PRIM2: variants seen among roughly 807,000 people sequenced by gnomAD.
The protein encoded by PRIM2 is DNA primase large subunit.
Under a neutral mutation model 67.3 loss-of-function variants are expected in PRIM2, and 39 were observed. The observed-to-expected ratio is 0.58, with a 90% CI of 0.45 to 0.76. The LOEUF is 0.76. PRIM2 is among the 30% of genes least tolerant of loss of function. The probability of loss-of-function intolerance (pLI) is 0.00; values close to 1 mark genes in which losing one functional copy is unlikely to be tolerated. For synonymous variants in PRIM2, 143 were observed against 198.7 expected (o/e 0.72, Z 2.36); for missense variants, 398 against 598.7 (o/e 0.66, Z 3.50).
chr6:57,224,979 A>G, the PRIM2 span, among the ~76,000 whole-genome samples: 3 of 152,330 alleles, frequency 2.0e-5, no homozygotes, highest in South Asian at 2.1e-4. Flanking sequence ...CTATCACCAG[A>G]GCACCAACTT....
the PRIM2 span, among the ~76,000 whole-genome samples, chr6:57,262,266 G>C: frequency 6.6e-6 from 1 of 152,122 alleles, no homozygotes; most frequent in Non-Finnish European, 1.5e-5. Flanking sequence ...ATTTCAGTTG[G>C]ATATATTAGA....
chr6:57,514,212 GA>G (rs1395750836), intron 8 of PRIM2, among the ~76,000 whole-genome samples: 1 of 152,146 alleles, frequency 6.6e-6, no homozygotes, highest in Non-Finnish European at 1.5e-5. Flanking sequence ...TTTTTCTAAA[GA>G]ATATGCTTTC....
At chr6:57,588,995 G>C (rs1776241200) in intron 10 of PRIM2, among the ~76,000 whole-genome samples, 1 of 152,164 alleles carries the variant, frequency 6.6e-6, no homozygotes, top group Admixed American at 6.5e-5. Flanking sequence ...GGAGAGATTT[G>C]ATGGATGGCT....
chr6:57,473,715 GT>G (rs1395289043), intron 7 of PRIM2, among the ~76,000 whole-genome samples: 1 of 152,098 alleles, frequency 6.6e-6, no homozygotes, highest in Admixed American at 6.5e-5. Context: ...TTCTGTGATA[GT>G]TTCATTCTAT....
chr6:57,375,673 T>C (rs76108756), intron 5 of PRIM2, among the ~76,000 whole-genome samples: 2 of 121,536 alleles, frequency 1.6e-5, no homozygotes, highest in Non-Finnish European at 1.6e-5. Flanking sequence ...CGCCTCAGCC[T>C]TTTTTTTTTT....
intron 12 of PRIM2, among the ~76,000 whole-genome samples, chr6:57,626,265 TAA>T (rs1776948014): frequency 6.6e-6 from 1 of 152,212 alleles, no homozygotes; most frequent in African/African-American, 2.4e-5. Flanking sequence ...CTGGAAATAT[TAA>T]GAGTATTAGC....
intron 10 of PRIM2, among the ~76,000 whole-genome samples, chr6:57,544,250 C>T (rs1234169596): frequency 1.3e-5 from 2 of 149,500 alleles, no homozygotes; most frequent in Admixed American, 1.3e-4. Flanking sequence ...TGTCTCTGGT[C>T]GGAGAGGAGA....
the PRIM2 span, among the ~76,000 whole-genome samples, chr6:57,295,358 T>G: frequency 6.6e-6 from 1 of 152,132 alleles, no homozygotes; most frequent in South Asian, 2.1e-4. Context: ...AAAAAAAAAT[T>G]TGATTGGGAA....
In PRIM2 at chr6:57,379,889, A is replaced by G. The variant is rs1334808836; in HGVS notation, c.460-12A>G. The G allele has an allele frequency of 4.6e-6, 7 of 1,534,646 alleles. No individual in the cohort carries two copies. The Admixed American group carries it at 1.1e-4, about 24-fold the overall frequency. On this transcript the variant is annotated splice_polypyrimidine_tract_variant and intron_variant, in intron 5 of 13. Transcript: ENST00000615550. ...TCAAATTTTTGTAACAGCTTAAAAT[A>G]TGTTTTTTTAGATAAGTGATGAAGA... is the stretch of plus-strand genomic sequence containing the variant.
chr6:57,363,374 G>A (rs1346632347), intron 5 of PRIM2, among the ~76,000 whole-genome samples: 1 of 152,154 alleles, frequency 6.6e-6, no homozygotes, highest in Non-Finnish European at 1.5e-5. Flanking sequence ...AACATTAAAT[G>A]TTCATCTTTC....
chr6:57,549,527 G>A lies in PRIM2; in HGVS notation c.1020+11902G>A, dbSNP rs1456509860. ...TTCAGTTCTTGAGGACAATAGTAAT[G>A]TCTGCTAAAATATTGCAAAGAATTA... On this transcript the variant is annotated intron_variant, in intron 10 of 13. Transcript: ENST00000615550. Among the ~76,000 whole-genome samples the A allele has an allele frequency of 2.6e-5, 4 of 151,902 alleles. No homozygotes were observed. In the East Asian group the frequency reaches 7.7e-4, roughly 29 times the overall value.
chr6:57,327,786 A>G (rs916038806), intron 5 of PRIM2, among the ~76,000 whole-genome samples: 3 of 152,276 alleles, frequency 2.0e-5, no homozygotes, highest in African/African-American at 7.2e-5. Flanking sequence ...GAGAAGGTCT[A>G]TTATTTATTC....
chr6:57,550,208 T>C lies in PRIM2; in HGVS notation c.1020+12583T>C, dbSNP rs1199898748. 2.6e-5 allele frequency among the ~76,000 whole-genome samples: 4 copies of C among 152,228 alleles called. No individual in the cohort carries two copies. In the South Asian group the frequency reaches 6.2e-4, roughly 24 times the overall value. On this transcript the variant is annotated intron_variant, in intron 10 of 13. Coordinates refer to ENST00000615550, the MANE Select transcript of PRIM2 (RefSeq NM_000947.5). The stretch of plus-strand genomic sequence containing the variant: ...CTACAAAGTCATCTAAAACATATTT[T>C]TGAAGCTTTATTGCAGTGAAATTTG...
chr6:57,407,415 A>AT (rs11352940), intron 7 of PRIM2, among the ~76,000 whole-genome samples: 21 of 148,824 alleles, frequency 1.4e-4, no homozygotes, highest in South Asian at 2.1e-4. Flanking sequence ...AAAGTCACAG[A>AT]TTTTTTTTTT....
chr6:57,562,693 A>G (rs1775661128), intron 10 of PRIM2, among the ~76,000 whole-genome samples: 1 of 151,428 alleles, frequency 6.6e-6, no homozygotes, highest in African/African-American at 2.4e-5. Flanking sequence ...CCCCAAACCA[A>G]CTCCTCCTGT....
At chr6:57,436,325 G>A (rs1435133308) in intron 7 of PRIM2, among the ~76,000 whole-genome samples, 2 of 152,190 alleles carry the variant, frequency 1.3e-5, no homozygotes, top group African/African-American at 4.8e-5. Context: ...TCCTCATAAA[G>A]TCGCTAAGTC....
chr6:57,308,536 A>G, the PRIM2 span, among the ~76,000 whole-genome samples: 1 of 152,220 alleles, frequency 6.6e-6, no homozygotes, highest in Non-Finnish European at 1.5e-5. Flanking sequence ...TCTCTAGAGA[A>G]TATACCTAGA....
the PRIM2 span, among the ~76,000 whole-genome samples, chr6:57,278,443 T>G: frequency 1.3e-5 from 2 of 152,332 alleles, no homozygotes; most frequent in African/African-American, 4.8e-5. Flanking sequence ...CTACCACCAG[T>G]CTGTTGCTAT....
intron 13 of PRIM2, among the ~76,000 whole-genome samples, chr6:57,633,516 A>G (rs2127499762): frequency 6.6e-6 from 1 of 152,278 alleles, no homozygotes; most frequent in East Asian, 1.9e-4. Context: ...TTGATAAAAT[A>G]TCTCATAGGA....
Sources: allele counts gnomAD v4.1 joint callset (sites outside exome capture counted in the v4.1 genomes callset), GRCh38; gene constraint gnomAD v4.1.1; transcripts MANE v1.5; gene names NCBI Gene and HGNC (gene_info 2026-07-23, HGNC 2026-07-21).